The following PSD4 variants were observed in gnomAD, a reference collection of about 807,000 sequenced individuals.
PSD4 encodes PH and SEC7 domain-containing protein 4.
PSD4 carries 59 observed loss-of-function variants against 112.5 expected under a neutral mutation model. The ratio of observed to expected loss-of-function variants is 0.52; its 90% CI spans 0.43 to 0.65. The LOEUF (loss-of-function observed/expected upper bound fraction) is 0.65. PSD4 is among the 30% of genes least tolerant of loss of function. The pLI is 0.00. For missense variants in PSD4, 1,267 were observed against 1,352.6 expected (o/e 0.94, Z 0.99); for synonymous variants, 533 against 540.0 (o/e 0.99, Z 0.18).
At chr2:113,181,250 T>G (rs1196531034) in intron 1 of PSD4, among the ~76,000 whole-genome samples, 1 of 148,182 alleles carries the variant, frequency 6.7e-6, no homozygotes, top group Non-Finnish European at 1.5e-5. Context: ...AAAAGACAGC[T>G]GCCAGGGGAG....
intron 1 of PSD4, among the ~76,000 whole-genome samples, chr2:113,178,303 T>C (rs1688031278): frequency 6.6e-6 from 1 of 152,054 alleles, no homozygotes; most frequent in Admixed American, 6.6e-5. Flanking sequence ...CTCCATTGCC[T>C]TGGGCTCCCC....
chr2:113,174,928 C>T (rs1687927509), intron 1 of PSD4, among the ~76,000 whole-genome samples: 1 of 152,194 alleles, frequency 6.6e-6, no homozygotes, highest in Non-Finnish European at 1.5e-5. Flanking sequence ...AAATACTCCT[C>T]CGTTCATTGG....
chr2:113,185,320 C>G, intron 3 of PSD4, 45 bp from the exon 4 acceptor site: 1 of 1,610,512 alleles, frequency 6.2e-7, no homozygotes, highest in South Asian at 1.1e-5. Flanking sequence ...ATCCACCTCT[C>G]TGTGTATCCA....
At chr2:113,200,195 C>T (rs1243951823) in intron 16 of PSD4, among the ~76,000 whole-genome samples, 1 of 152,200 alleles carries the variant, frequency 6.6e-6, no homozygotes, top group East Asian at 1.9e-4. Flanking sequence ...AACCCTCACC[C>T]ATCCACCCAC....
intron 1 of PSD4, among the ~76,000 whole-genome samples, chr2:113,180,626 A>G (rs908902418): frequency 6.7e-6 from 1 of 150,328 alleles, no homozygotes; most frequent in Non-Finnish European, 1.5e-5. Flanking sequence ...GCTGTGAGTC[A>G]TTAAGCCAGA....
At chr2:113,181,741 C>G (rs1046990966) in intron 1 of PSD4, among the ~76,000 whole-genome samples, 3 of 152,216 alleles carry the variant, frequency 2.0e-5, no homozygotes, top group Non-Finnish European at 2.9e-5. Context: ...GGCCAAATTC[C>G]AAGCTGCCAA....
At chr2:113,178,793 C>A (rs1178344168) in intron 1 of PSD4, among the ~76,000 whole-genome samples, 3 of 151,954 alleles carry the variant, frequency 2.0e-5, no homozygotes, top group African/African-American at 4.8e-5. Context: ...CATTCAGGTA[C>A]AATGTGTGGA....
chr2:113,203,274 G>C lies in PSD4; in HGVS notation c.*1859G>C, dbSNP rs1421367801. 1 of 152,208 alleles carries C rather than the reference G, an allele frequency of 6.6e-6. No individual in the cohort carries two copies. Among genetic ancestry groups the C allele is most frequent in the Admixed American group, 6.5e-5 (1 of 15,276 alleles). The allele number at this position is 152,208 out of a possible 1,614,324, so 9.4% of individuals were successfully genotyped here. On this transcript the variant is annotated 3_prime_UTR_variant, in exon 17 of 17. Coordinates refer to ENST00000245796, the MANE Select transcript of PSD4 (RefSeq NM_012455.3). ...GGTTTCCTGCTCTCAGTTTACAGAG[G>C]CACTTTTATCTTGCTGGGGAAGTGT...
In PSD4 at chr2:113,182,974, A is replaced by T. The variant is rs1353166748; in HGVS notation, c.518A>T (p.Glu173Val). 3 of 1,614,090 alleles carry T rather than the reference A, an allele frequency of 1.9e-6. No homozygotes were observed. The highest frequency in any genetic ancestry group is 1.7e-5 in the Admixed American group (1 of 60,024). ...ATGTGTGTCCTAGACCTGGAGGAGG[A>T]GCTGGAGAAGACGGAAGGGCTCAAG... Reference protein sequence around the residue: ...AQMCVLDLEEELEKTEGLKAG... With the variant: ...AQMCVLDLEEVLEKTEGLKAG... Residue 173 changes from glutamate to valine, a missense_variant, in exon 2 of 17, where the codon GAG becomes GTG. Transcript: ENST00000245796.
chr2:113,198,580 C>G, intron 14 of PSD4, 160 bp from the exon 15 acceptor site: 1 of 813,280 alleles, frequency 1.2e-6, no homozygotes, highest in Non-Finnish European at 1.8e-6. Flanking sequence ...AGAAATGCCA[C>G]GGTCAGAGGT....
At chr2:113,192,075 G>A (rs1036413896) in intron 5 of PSD4, among the ~76,000 whole-genome samples, 1 of 151,658 alleles carries the variant, frequency 6.6e-6, no homozygotes, top group East Asian at 1.9e-4. Context: ...AGAAAACAAC[G>A]CTAGGGGCCT....
Position 113,204,209 on chromosome 2 carries a change from CA to C in PSD4, c.*2795del, listed in dbSNP as rs1284535729. The C allele has an allele frequency of 1.3e-5, 2 of 152,330 alleles. No individual in the cohort carries two copies. Among genetic ancestry groups the C allele is most frequent in the African/African-American group, 4.8e-5 (2 of 41,480 alleles). 9.4% of individuals were successfully genotyped at this position (152,330 alleles called of 1,614,324 possible). On this transcript the variant is annotated 3_prime_UTR_variant, in exon 17 of 17. Coordinates refer to ENST00000245796, the MANE Select transcript of PSD4 (RefSeq NM_012455.3). ...GTGTGCCCCTGTGCCATCACCGAAC[CA>C]GGACCTTCAACTTCGTAAAACCCAC...
intron 4 of PSD4, 28 bp downstream of exon 4, chr2:113,185,468 A>G (rs369318143): frequency 1.2e-6 from 2 of 1,614,022 alleles, no homozygotes; most frequent in Middle Eastern, 1.7e-4. Flanking sequence ...GGTTTGGGAA[A>G]TTGGGTCCTG....
In PSD4 at chr2:113,197,902, C is replaced by T. The variant is rs778710927; in HGVS notation, c.2613C>T (p.Leu871=). The change falls in exon 14 of 17, where the codon CTC becomes CTT. Residue 871 remains leucine, a synonymous_variant. Coordinates refer to ENST00000245796, the MANE Select transcript of PSD4 (RefSeq NM_012455.3). ...GCACGGCTGACTGGCGCCTCTACCT[C>T]TTCCAGGCACCGTAAGTCCCTGGGG... is the stretch of plus-strand genomic sequence containing the variant. The part of the protein sequence containing the change: ...QLRTADWRLY[L]FQAPTAKEMS... 6.9e-6 allele frequency: 11 copies of T among 1,583,830 alleles called. No individual in the cohort carries two copies. The highest frequency in any genetic ancestry group is 9.5e-6 in the Non-Finnish European group (11 of 1,160,330).
In PSD4 at chr2:113,197,784, T is replaced by TG; in HGVS notation, c.2499dup (p.Gln834AlafsTer5). ...CACTGTCTGGAGGGGGAGAGCTTGG[T>TG]GGGGCAGATGGTGGATGAGCCCGTG... is the stretch of plus-strand genomic sequence containing the variant. On this transcript the variant is annotated frameshift_variant, in exon 14 of 17. Transcript: ENST00000245796. LOFTEE classifies it high-confidence loss of function. 1 of 1,610,926 alleles carries TG rather than the reference T, an allele frequency of 6.2e-7. No homozygotes were observed. Among genetic ancestry groups the TG allele is most frequent in the Non-Finnish European group, 8.5e-7 (1 of 1,177,630 alleles).
At chr2:113,177,742 A>G (rs998818241) in intron 1 of PSD4, among the ~76,000 whole-genome samples, 3 of 152,236 alleles carry the variant, frequency 2.0e-5, no homozygotes, top group Non-Finnish European at 4.4e-5. Flanking sequence ...ATGCCATTCA[A>G]TATTTTCATA....
chr2:113,179,346 G>A (rs930272830), intron 1 of PSD4, among the ~76,000 whole-genome samples: 1 of 152,126 alleles, frequency 6.6e-6, no homozygotes, highest in Non-Finnish European at 1.5e-5. Context: ...AGGTAGTGGT[G>A]GGAGGTGGAG....
rs371348495 is a variant in PSD4 at position 113,193,421 on chromosome 2, A to G, written c.2032+51A>G. On this transcript the variant is annotated intron_variant, in intron 8 of 16. Transcript: ENST00000245796. The stretch of plus-strand genomic sequence containing the variant: ...AAAGCAGGGAAACTTTGGGGTGCCC[A>G]TGTCTGCTTGGGAGTTCAGTAGGTG... The G allele has an allele frequency of 3.2e-6, 5 of 1,573,752 alleles. No individual in the cohort carries two copies. In the Admixed American group the frequency reaches 5.1e-5, roughly 16 times the overall value.
At position 113,182,388 on chromosome 2, in the gene PSD4, C is replaced by T. The variant is rs1334136601; in HGVS notation, c.-69C>T. On this transcript the variant is annotated 5_prime_UTR_variant, in exon 2 of 17. Coordinates refer to ENST00000245796, the MANE Select transcript of PSD4 (RefSeq NM_012455.3). ...AGTTTCTCCAGCGGCCAGTGCTCCC[C>T]CTAGTCCACACAGTGAGACCGTGAA... is the stretch of plus-strand genomic sequence containing the variant. 4.3e-5 allele frequency: 61 copies of T among 1,409,268 alleles called. No homozygotes were observed. Among genetic ancestry groups the T allele is most frequent in the Middle Eastern group, 1.8e-4 (1 of 5,448 alleles). The allele number at this position is 1,409,268 out of a possible 1,614,324, so 87.3% of individuals were successfully genotyped here. A position where few individuals can be genotyped will look rare whatever the true frequency, so the allele number is the denominator to read the frequency against.
Sources: gnomAD v4.1 joint callset for allele counts (sites outside exome capture counted in the v4.1 genomes callset) on GRCh38, gnomAD v4.1.1 for gene constraint, MANE v1.5 for transcripts, NCBI Gene and HGNC (gene_info 2026-07-23, HGNC 2026-07-21) for gene names.